Variants in UPF2 observed in about 807,000 individuals in gnomAD.
The protein encoded by UPF2 is UPF2 regulator of nonsense mediated mRNA decay.
A neutral mutation model predicts 141.4 loss-of-function variants in UPF2; 17 were observed. That is an observed-to-expected ratio of 0.12 (90% CI 0.08 to 0.18). The LOEUF is 0.18. Ranked by LOEUF, UPF2 falls within the 10% of genes least tolerant of loss-of-function variation. The probability of loss-of-function intolerance (pLI) is 1.00; values close to 1 mark genes in which losing one functional copy is unlikely to be tolerated. For missense variants in UPF2, 1,152 were observed against 1,515.9 expected (o/e 0.76, Z 3.99); for synonymous variants, 540 against 498.0 (o/e 1.08, Z -1.12).
chr10:11,962,806 C>T (rs1045626970), intron 11 of UPF2, among the ~76,000 whole-genome samples: 5 of 152,162 alleles, frequency 3.3e-5, no homozygotes, highest in Non-Finnish European at 5.9e-5. Flanking sequence ...GTTTTACCTG[C>T]AGCTGTTTTA....
chr10:11,985,571 A>G (rs1217963498), intron 8 of UPF2, among the ~76,000 whole-genome samples: 1 of 150,122 alleles, frequency 6.7e-6, no homozygotes. Context: ...CGGGAGGCGG[A>G]GCTTGCGCCA....
At chr10:12,009,419 A>T (rs935241827) in intron 4 of UPF2, among the ~76,000 whole-genome samples, 1 of 152,242 alleles carries the variant, frequency 6.6e-6, no homozygotes, top group Non-Finnish European at 1.5e-5. Flanking sequence ...GACATGATTA[A>T]CTGGAAAAAG....
intron 9 of UPF2, among the ~76,000 whole-genome samples, chr10:11,975,401 T>A (rs187455293): frequency 6.6e-6 from 1 of 152,226 alleles, no homozygotes; most frequent in African/African-American, 2.4e-5. Flanking sequence ...CATACTGATA[T>A]GTAATTGTTT....
Position 11,921,271 on chromosome 10 carries a change from C to T in UPF2, c.*27G>A, listed in dbSNP as rs755953575. Reference sequence around the variant, plus strand: ...ACTAACCACAACATCAGATACAGGACCTAATGAAATGACACGTGCTGCTGG... The same window carrying T: ...ACTAACCACAACATCAGATACAGGATCTAATGAAATGACACGTGCTGCTGG... On this transcript the variant is annotated 3_prime_UTR_variant, in exon 22 of 22. Coordinates refer to ENST00000357604, the MANE Select transcript of UPF2 (RefSeq NM_015542.4). The surrounding 1 kb of genome is among the most constrained non-coding windows in gnomAD (Gnocchi z 5.9). 5 of 1,614,018 alleles carry T rather than the reference C, an allele frequency of 3.1e-6. No homozygotes were observed. Among genetic ancestry groups the T allele is most frequent in the Non-Finnish European group, 4.2e-6 (5 of 1,179,958 alleles).
intron 15 of UPF2, among the ~76,000 whole-genome samples, chr10:11,951,149 G>A (rs1343861287): frequency 2.0e-5 from 3 of 152,062 alleles, no homozygotes; most frequent in Non-Finnish European, 4.4e-5. Context: ...TCCAACCTCC[G>A]TCTCCCGGGT....
At chr10:12,031,403 C>T (rs2131310762) in intron 2 of UPF2, among the ~76,000 whole-genome samples, 1 of 152,132 alleles carries the variant, frequency 6.6e-6, no homozygotes, top group Admixed American at 6.5e-5. Context: ...ACAAATATAC[C>T]TATTTTTCCA....
At position 11,959,558 on chromosome 10, in the gene UPF2, A is replaced by G. The variant is rs1181622740; in HGVS notation, c.2185-202T>C. Among the ~76,000 whole-genome samples, 1 of 152,118 alleles carries G rather than the reference A, an allele frequency of 6.6e-6. No homozygotes were observed. Among genetic ancestry groups the G allele is most frequent in the Non-Finnish European group, 1.5e-5 (1 of 68,030 alleles). On this transcript the variant is annotated intron_variant, in intron 11 of 21. Coordinates refer to ENST00000357604, the MANE Select transcript of UPF2 (RefSeq NM_015542.4). The surrounding 1 kb of genome is among the most constrained non-coding windows in gnomAD (Gnocchi z 5.9). Reference sequence around the variant, plus strand: ...CAGGATCACTTGAATCCAGGAGTTCAAGACCAGCTTGGGCAACATGATGAA... The same window carrying G: ...CAGGATCACTTGAATCCAGGAGTTCGAGACCAGCTTGGGCAACATGATGAA...
intron 11 of UPF2, among the ~76,000 whole-genome samples, chr10:11,960,768 C>T (rs1833226976): frequency 6.7e-6 from 1 of 149,506 alleles, no homozygotes; most frequent in African/African-American, 2.5e-5. Flanking sequence ...AAGACCTTAT[C>T]TCTTAATAAA....
chr10:11,983,904 T>C (rs1833641961), intron 8 of UPF2, among the ~76,000 whole-genome samples: 1 of 152,192 alleles, frequency 6.6e-6, no homozygotes, highest in African/African-American at 2.4e-5. Context: ...AGTTTTATTC[T>C]ATTTAAGATG....
chr10:11,974,559 C>A (rs758319674), intron 9 of UPF2, among the ~76,000 whole-genome samples: 1 of 152,056 alleles, frequency 6.6e-6, no homozygotes, highest in East Asian at 1.9e-4. Context: ...CCCATTGATA[C>A]CTAATTTATT....
At chr10:11,933,183 T>G (rs1832802639) in intron 19 of UPF2, among the ~76,000 whole-genome samples, 3 of 152,186 alleles carry the variant, frequency 2.0e-5, no homozygotes, top group Admixed American at 2.0e-4. Flanking sequence ...AAAGAGGTCT[T>G]TCACTTAAAA....
intron 19 of UPF2, among the ~76,000 whole-genome samples, chr10:11,934,788 C>G (rs1832827206): frequency 6.6e-6 from 1 of 152,124 alleles, no homozygotes; most frequent in Admixed American, 6.6e-5. Context: ...CGGGGTTTCA[C>G]TATGTTGGTC....
In UPF2 at chr10:11,961,762, T is replaced by G. The variant is rs374213973; in HGVS notation, c.2184+2247A>C. ...AATTCGTATTTAACGCATGAATAAA[T>G]GAATGAATTTTTAAAAACATATTCA... On this transcript the variant is annotated intron_variant, in intron 11 of 21. Transcript: ENST00000357604. Among the ~76,000 whole-genome samples, 5 of 152,172 alleles carry G rather than the reference T, an allele frequency of 3.3e-5. No homozygotes were observed. In the East Asian group the frequency reaches 9.6e-4, roughly 29 times the overall value.
chr10:11,969,590 CTTA>C (rs990694777), intron 9 of UPF2, among the ~76,000 whole-genome samples: 3 of 152,096 alleles, frequency 2.0e-5, no homozygotes, highest in African/African-American at 4.8e-5. Context: ...AACTTGACTG[CTTA>C]TTATTAGCCT....
Position 11,955,215 on chromosome 10 carries a change from T to TC in UPF2, c.2850+16_2850+17insG. On this transcript the variant is annotated intron_variant, in intron 14 of 21. Coordinates refer to ENST00000357604, the MANE Select transcript of UPF2 (RefSeq NM_015542.4). Reference sequence around the variant, plus strand: ...ATATGTTAAATGATGCCAAACTGAATATTTCAGCTTATATACCTGAAAATA... The same window carrying TC: ...ATATGTTAAATGATGCCAAACTGAATCATTTCAGCTTATATACCTGAAAATA... 6.4e-7 allele frequency: 1 copy of TC among 1,557,444 alleles called. No individual in the cohort carries two copies. The highest frequency in any genetic ancestry group is 1.2e-5 in the South Asian group (1 of 80,358).
At position 11,938,853 on chromosome 10, in the gene UPF2, G is replaced by GTTTTTTGT. The variant is rs1832889993; in HGVS notation, c.3379-2142_3379-2141insACAAAAAA. Among the ~76,000 whole-genome samples the GTTTTTTGT allele has an allele frequency of 8.8e-5, 7 of 79,832 alleles. No homozygotes were observed. In the South Asian group the frequency reaches 2.4e-3, roughly 27 times the overall value. 52.4% of individuals were successfully genotyped at this position (79,832 alleles called of 152,430 possible). A position where few individuals can be genotyped will look rare whatever the true frequency, so the allele number is the denominator to read the frequency against. On this transcript the variant is annotated intron_variant, in intron 18 of 21. Transcript: ENST00000357604. ...GTGGTCTTAAGCAAGTTTTTTTTTT[G>GTTTTTTGT]TTTTTTTTTTTTTTTTTTTTTTTTT...
chr10:11,950,571 C>T (rs1226569065), intron 15 of UPF2, among the ~76,000 whole-genome samples: 6 of 152,168 alleles, frequency 3.9e-5, no homozygotes, highest in African/African-American at 9.7e-5. Flanking sequence ...CTACAAAGGA[C>T]AAAGCACAAC....
rs756246035 is a variant in UPF2 at position 12,035,398 on chromosome 10, G to T, written c.26C>A (p.Ala9Glu). 1 of 1,588,138 alleles carries T rather than the reference G, an allele frequency of 6.3e-7. No individual in the cohort carries two copies. Among genetic ancestry groups the T allele is most frequent in the African/African-American group, 1.4e-5 (1 of 73,110 alleles). The change falls in exon 2 of 22, where the codon GCA (alanine) becomes GAA (glutamate). Residue 9 changes from alanine to glutamate, a missense_variant. Physicochemically the swap from Ala to Glu is moderately radical, Grantham distance 107. Around this residue, in one of 4 missense-constraint regions of UPF2, gnomAD observed 145 missense variants for 136.5 expected, o/e 1.06. Coordinates refer to ENST00000357604, the MANE Select transcript of UPF2 (RefSeq NM_015542.4). ...TAAAGAGTCTTTTTCTTCCATACTT[G>T]CTGGCTTTTTACGCTCAGCTGGCAT... MPAERKKP[A>E]SMEEKDSLPN...
At chr10:11,961,523 C>T (rs1272293940) in intron 11 of UPF2, among the ~76,000 whole-genome samples, 1 of 151,624 alleles carries the variant, frequency 6.6e-6, no homozygotes, top group Non-Finnish European at 1.5e-5. Flanking sequence ...GAGGGAGGGG[C>T]CGGGTAATAG....
Sources: gnomAD v4.1 joint callset for allele counts (sites outside exome capture counted in the v4.1 genomes callset) on GRCh38, gnomAD v4.1.1 for gene constraint, gnomAD v4.1.1 regional missense constraint, Gnocchi (gnomAD v3.1) non-coding constraint, MANE v1.5 for transcripts, NCBI Gene and HGNC (gene_info 2026-07-23, HGNC 2026-07-21) for gene names.